The following SNRPG variants were observed in gnomAD, a reference collection of about 807,000 sequenced individuals.
The protein encoded by SNRPG is small nuclear ribonucleoprotein G.
SNRPG carries 3 observed loss-of-function variants against 13.9 expected under a neutral mutation model. The observed-to-expected ratio is 0.22, with a 90% CI of 0.10 to 0.56. The LOEUF (loss-of-function observed/expected upper bound fraction) is 0.56, where lower values mean the gene tolerates loss of function less well. Ranked by LOEUF, SNRPG falls within the 20% of genes least tolerant of loss-of-function variation. SNRPG has a pLI of 0.93. For missense variants in SNRPG, 34 were observed against 96.1 expected, an observed-to-expected ratio of 0.35 and a Z score of 2.70; for synonymous variants, 29 against 29.3, an observed-to-expected ratio of 0.99 and a Z score of 0.03.
rs957935006 is a variant in SNRPG, at chr2:70,287,481, G to C, written c.180+587C>G. 56 of 578,904 alleles carry C rather than the reference G, an allele frequency of 9.7e-5. No homozygotes were observed. The East Asian group carries it at 1.1e-3, about 11-fold the overall frequency. The allele number at this position is 578,904 out of a possible 1,614,324, so 35.9% of individuals were successfully genotyped here. A position where few individuals can be genotyped will look rare whatever the true frequency, so the allele number is the denominator to read the frequency against. ...GAATGTTTAATCCTATGAGGGCTCA[G>C]TATGTGCTTATTTTTTCCTGCTTTT... On this transcript the variant is annotated intron_variant, in intron 3 of 3. Transcript: ENST00000272348.
intron 1 of SNRPG, among the ~76,000 whole-genome samples, chr2:70,292,050 CCA>C (rs1050353346): frequency 1.3e-5 from 2 of 151,318 alleles, no homozygotes; most frequent in African/African-American, 4.9e-5. Context: ...CGGGTTCACG[CCA>C]TTCTCCTGCC....
intron 1 of SNRPG, among the ~76,000 whole-genome samples, chr2:70,290,565 A>T (rs992906364): frequency 6.6e-6 from 1 of 152,074 alleles, no homozygotes; most frequent in Admixed American, 6.5e-5. Flanking sequence ...TGAAAAAAAG[A>T]TGTTTAGTAT....
intron 3 of SNRPG, among the ~76,000 whole-genome samples, chr2:70,284,184 C>A (rs1696883637): frequency 6.6e-6 from 1 of 152,160 alleles, no homozygotes; most frequent in South Asian, 2.1e-4. Context: ...GAGACTGGGA[C>A]TAGCTATGCT....
At chr2:70,290,823 T>TAAAAAAAAA (rs57720967) in intron 1 of SNRPG, among the ~76,000 whole-genome samples, 9 of 25,284 alleles carry the variant, frequency 3.6e-4, no homozygotes, top group East Asian at 1.8e-3. Flanking sequence ...CCGTCTCTAC[T>TAAAAAAAAA]AAAAAAAAAA....
intron 1 of SNRPG, 72 bp downstream of exon 1, chr2:70,293,546 C>T: frequency 7.9e-7 from 1 of 1,270,914 alleles, no homozygotes; most frequent in Non-Finnish European, 1.2e-6. Flanking sequence ...ATTCGGCTAA[C>T]GGAGAGGGAA....
chr2:70,289,413 A>G, intron 1 of SNRPG, 41 bp from the exon 2 acceptor site: 3 of 1,143,214 alleles, frequency 2.6e-6, no homozygotes, highest in Non-Finnish European at 3.8e-6. Flanking sequence ...ACCAATTAAA[A>G]AAATTTAAGC....
rs1449621735 is a variant in SNRPG at position 70,281,468 on chromosome 2, A to C, written c.*166T>G. 1.8e-5 allele frequency: 8 copies of C among 435,116 alleles called. No homozygotes were observed. Among genetic ancestry groups the C allele is most frequent in the Non-Finnish European group, 3.4e-5 (8 of 238,134 alleles). The allele number at this position is 435,116 out of a possible 1,614,324, so 27.0% of individuals were successfully genotyped here. A position where few individuals can be genotyped will look rare whatever the true frequency, so the allele number is the denominator to read the frequency against. ...TCATGTTAGAAAAAACTGGAATGAG[A>C]GCTGATATTCTATATTCAGAACATC... On this transcript the variant is annotated 3_prime_UTR_variant, in exon 4 of 4. Transcript: ENST00000272348.
At chr2:70,288,261 G>A in intron 2 of SNRPG, 69 bp from the exon 3 acceptor site, 2 of 1,378,190 alleles carry the variant, frequency 1.5e-6, no homozygotes, top group Non-Finnish European at 2.0e-6. Flanking sequence ...CTAAAAATCA[G>A]GTGGGATAAA....
chr2:70,291,599 A>G (rs1697098668), intron 1 of SNRPG, among the ~76,000 whole-genome samples: 1 of 152,222 alleles, frequency 6.6e-6, no homozygotes, highest in Admixed American at 6.5e-5. Context: ...GAGTTATGCT[A>G]CACCAGAAGG....
At chr2:70,284,786 C>G (rs1405368320) in intron 3 of SNRPG, among the ~76,000 whole-genome samples, 3 of 152,126 alleles carry the variant, frequency 2.0e-5, no homozygotes, top group African/African-American at 7.2e-5. Flanking sequence ...TGCCTAGCTC[C>G]CTGCTAAATT....
At chr2:70,291,087 G>C (rs1032245618) in intron 1 of SNRPG, among the ~76,000 whole-genome samples, 8 of 149,264 alleles carry the variant, frequency 5.4e-5, no homozygotes, top group Admixed American at 6.7e-5. Flanking sequence ...ATTTTAATAA[G>C]ATACATAAAA....
chr2:70,293,539 C>A, intron 1 of SNRPG, 79 bp downstream of exon 1: 3 of 1,198,122 alleles, frequency 2.5e-6, no homozygotes, highest in South Asian at 1.2e-5. Context: ...TCAAGACATT[C>A]GGCTAACGGA....
chr2:70,289,431 A>G (rs1697024315), intron 1 of SNRPG, 59 bp from the exon 2 acceptor site: 2 of 845,834 alleles, frequency 2.4e-6, no homozygotes, highest in South Asian at 3.1e-5. Flanking sequence ...AGCATAAACA[A>G]GTAAATAGGT....
intron 1 of SNRPG, chr2:70,293,127 TTC>T: frequency 1.4e-6 from 1 of 699,912 alleles, no homozygotes; most frequent in Non-Finnish European, 2.6e-6. Flanking sequence ...GGAATGAGGT[TTC>T]TAAGTAAAAG....
intron 1 of SNRPG, among the ~76,000 whole-genome samples, chr2:70,292,153 A>G (rs1697117289): frequency 6.6e-6 from 1 of 151,940 alleles, no homozygotes; most frequent in African/African-American, 2.4e-5. Context: ...TCACCGTTTT[A>G]GCCATGATGA....
At chr2:70,283,619 A>G (rs1696868876) in intron 3 of SNRPG, among the ~76,000 whole-genome samples, 1 of 152,200 alleles carries the variant, frequency 6.6e-6, no homozygotes, top group African/African-American at 2.4e-5. Context: ...CAGAGGGCTC[A>G]ATAACCTGGT....
intron 3 of SNRPG, chr2:70,287,382 C>CA: frequency 1.4e-6 from 1 of 695,332 alleles, no homozygotes; most frequent in Non-Finnish European, 2.6e-6. Flanking sequence ...CTGTGTTAGA[C>CA]AAAGAGGGAC....
At chr2:70,291,518 A>G (rs1233716820) in intron 1 of SNRPG, among the ~76,000 whole-genome samples, 1 of 152,192 alleles carries the variant, frequency 6.6e-6, no homozygotes, top group African/African-American at 2.4e-5. Flanking sequence ...TAGGATGTTT[A>G]GCAGCACCCT....
chr2:70,290,823 T>TAAAAAA lies in SNRPG; in HGVS notation c.33-1457_33-1452dup, dbSNP rs57720967. The stretch of plus-strand genomic sequence containing the variant: ...CAACATGGAGAAAACCCGTCTCTAC[T>TAAAAAA]AAAAAAAAAAAAAAAAAAAAAAAAA... On this transcript the variant is annotated intron_variant, in intron 1 of 3. Coordinates refer to ENST00000272348, the MANE Select transcript of SNRPG (RefSeq NM_003096.4). 5.5e-4 allele frequency among the ~76,000 whole-genome samples: 14 copies of TAAAAAA among 25,282 alleles called. 2 individuals carry two copies. Among genetic ancestry groups the TAAAAAA allele is most frequent in the Admixed American group, 5.2e-3 (7 of 1,342 alleles). 16.6% of individuals were successfully genotyped at this position (25,282 alleles called of 152,430 possible).
Sources: allele counts gnomAD v4.1 joint callset (sites outside exome capture counted in the v4.1 genomes callset), GRCh38; gene constraint gnomAD v4.1.1; transcripts MANE v1.5; gene names NCBI Gene and HGNC (gene_info 2026-07-23, HGNC 2026-07-21).